Variants in MTCL1 observed in about 807,000 individuals in gnomAD.
The protein encoded by MTCL1 is microtubule cross-linking factor 1.
Under a neutral mutation model 141.4 loss-of-function variants are expected in MTCL1, and 79 were observed. That is an observed-to-expected ratio of 0.56 (90% confidence interval 0.47 to 0.67). The LOEUF is 0.67. MTCL1 is among the 30% of genes least tolerant of loss of function. MTCL1 has a pLI of 0.00. For missense variants in MTCL1, 2,177 were observed against 2,113.9 expected (o/e 1.03, Z -0.59); for synonymous variants, 914 against 875.8 (o/e 1.04, Z -0.77).
rs572514145 is a variant in MTCL1 at position 8,813,461 on chromosome 18, G to A, written c.2859+228G>A. On this transcript the variant is annotated intron_variant, in intron 12 of 16. Coordinates refer to ENST00000359865, the Ensembl canonical transcript of MTCL1. Reference sequence around the variant, plus strand: ...CAAAGTTCATAGGTAACTCTCCTATGTGTACATGTGGTAGTGGCAGAGCAG... The same window carrying A: ...CAAAGTTCATAGGTAACTCTCCTATATGTACATGTGGTAGTGGCAGAGCAG... Among the ~76,000 whole-genome samples, 3 of 149,614 alleles carry A rather than the reference G, an allele frequency of 2.0e-5. No homozygotes were observed. In the South Asian group the frequency reaches 6.6e-4, roughly 33 times the overall value.
At chr18:8,735,826 G>A (rs1041375838) in intron 4 of MTCL1, among the ~76,000 whole-genome samples, 22 of 152,112 alleles carry the variant, frequency 1.4e-4, no homozygotes, top group Admixed American at 8.5e-4. Context: ...GCGTGCCCCC[G>A]GTCATACAAC....
intron 4 of MTCL1, among the ~76,000 whole-genome samples, chr18:8,764,752 T>C (rs576385619): frequency 6.6e-6 from 1 of 152,242 alleles, no homozygotes; most frequent in Non-Finnish European, 1.5e-5. Flanking sequence ...CACTTTCACA[T>C]GGTTGCTGGA....
chr18:8,756,529 GTGTGTATATA>G (rs1481261602), intron 4 of MTCL1, among the ~76,000 whole-genome samples: 2 of 142,626 alleles, frequency 1.4e-5, no homozygotes, highest in East Asian at 1.9e-4. Flanking sequence ...GTATATATGT[GTGTGTATATA>G]TGTGTATATA....
chr18:8,818,888 G>A, intron 12 of MTCL1, 75 bp from the exon 12 acceptor site: 1 of 1,445,380 alleles, frequency 6.9e-7, no homozygotes, highest in East Asian at 2.3e-5. Flanking sequence ...TGCAAATTGT[G>A]GAGAAACGAT....
chr18:8,730,501 G>T (rs919727363), intron 4 of MTCL1, among the ~76,000 whole-genome samples: 12 of 152,140 alleles, frequency 7.9e-5, no homozygotes, highest in Non-Finnish European at 1.5e-5. Flanking sequence ...TCCACTGTAG[G>T]TCAAGTTTTT....
At chr18:8,806,094 CAAA>C (rs2076287942) in intron 10 of MTCL1, among the ~76,000 whole-genome samples, 1 of 152,098 alleles carries the variant, frequency 6.6e-6, no homozygotes, top group African/African-American at 2.4e-5. Flanking sequence ...AGGATTGTGC[CAAA>C]TACTGGAAAT....
chr18:8,771,839 AG>A (rs2096486180), intron 4 of MTCL1, among the ~76,000 whole-genome samples: 3 of 152,184 alleles, frequency 2.0e-5, no homozygotes, highest in Non-Finnish European at 4.4e-5. Context: ...AAAAGGAGGG[AG>A]TAGAATTAGT....
intron 12 of MTCL1, among the ~76,000 whole-genome samples, chr18:8,815,791 T>G (rs564462756): frequency 3.1e-4 from 47 of 152,154 alleles, no homozygotes; most frequent in African/African-American, 1.1e-3. Flanking sequence ...ACTGACAGCC[T>G]CAGAACCCAG....
In MTCL1 at chr18:8,821,512, A is replaced by G; in HGVS notation, c.3188+14A>G. 7.7e-7 allele frequency: 1 copy of G among 1,306,594 alleles called. No homozygotes were observed. The highest frequency in any genetic ancestry group is 1.1e-6 in the Non-Finnish European group (1 of 918,540). 80.9% of individuals were successfully genotyped at this position (1,306,594 alleles called of 1,614,324 possible). ...AAATCTTCAAAGGTAAGTAAGATTG[A>G]TGAAAATAATAGATTACTAGAATAA... On this transcript the variant is annotated intron_variant, in intron 14 of 16. Transcript: ENST00000359865.
chr18:8,788,945 G>C (rs2075621380), intron 7 of MTCL1, among the ~76,000 whole-genome samples: 1 of 152,230 alleles, frequency 6.6e-6, no homozygotes, highest in South Asian at 2.1e-4. Context: ...ACTCCCTGGG[G>C]TTCCCATCAA....
chr18:8,786,215 GGT>G (rs1323626988), intron 7 of MTCL1, 124 bp downstream of exon 6: 67 of 1,153,576 alleles, frequency 5.8e-5, no homozygotes, highest in Non-Finnish European at 8.0e-5. Context: ...GGTGGAACTA[GGT>G]GGAACTCACT....
At position 8,821,515 on chromosome 18, in the gene MTCL1, A is replaced by G. The variant is rs1301852223; in HGVS notation, c.3188+17A>G. 1.6e-6 allele frequency: 2 copies of G among 1,282,850 alleles called. No homozygotes were observed. The highest frequency in any genetic ancestry group is 2.2e-6 in the Non-Finnish European group (2 of 898,252). The allele number at this position is 1,282,850 out of a possible 1,614,324, so 79.5% of individuals were successfully genotyped here. A position where few individuals can be genotyped will look rare whatever the true frequency, so the allele number is the denominator to read the frequency against. ...TCTTCAAAGGTAAGTAAGATTGATG[A>G]AAATAATAGATTACTAGAATAAAAA... On this transcript the variant is annotated intron_variant, in intron 14 of 16. Transcript: ENST00000359865.
At chr18:8,774,740 G>A (rs962767654) in intron 4 of MTCL1, among the ~76,000 whole-genome samples, 3 of 152,122 alleles carry the variant, frequency 2.0e-5, no homozygotes, top group Non-Finnish European at 4.4e-5. Context: ...TGCCCACTTC[G>A]GCCTCCCAAA....
chr18:8,774,935 T>C (rs2096499923), intron 4 of MTCL1, among the ~76,000 whole-genome samples: 1 of 152,100 alleles, frequency 6.6e-6, no homozygotes, highest in African/African-American at 2.4e-5. Context: ...AGGGCTACAG[T>C]TGACAGCCCA....
At chr18:8,788,000 A>G (rs556467037) in intron 7 of MTCL1, among the ~76,000 whole-genome samples, 10 of 106,458 alleles carry the variant, frequency 9.4e-5, no homozygotes, top group Non-Finnish European at 1.8e-4. Context: ...AGAATTGTAC[A>G]ATGGATAATT....
At chr18:8,718,557 G>A (rs371204761) in exon 3 of MTCL1, 84 of 1,614,070 alleles carry the variant, frequency 5.2e-5, no homozygotes, top group Admixed American at 6.7e-5. Context: ...CTGCAGTACC[G>A]TCTTCGGAAA....
intron 4 of MTCL1, among the ~76,000 whole-genome samples, chr18:8,726,472 GGAGA>G (rs374393768): frequency 3.5e-4 from 46 of 131,590 alleles, no homozygotes; most frequent in Non-Finnish European, 4.2e-4. Flanking sequence ...GAGAATAAGA[GGAGA>G]GAGAGAGAGA....
At position 8,828,422 on chromosome 18, in the gene MTCL1, G is replaced by A. The variant is rs1325718387; in HGVS notation, c.4723-486G>A. On this transcript the variant is annotated intron_variant, in intron 15 of 16. Transcript: ENST00000359865. This position sits in a 1 kb window ranked among gnomAD's most constrained non-coding sequence, Gnocchi z 5.2. The stretch of plus-strand genomic sequence containing the variant: ...AAGAGAAAGAATCTGAAAATGGAAT[G>A]CTCTTCCTCCCTCCCCTAAGTGGAA... 6.6e-6 allele frequency among the ~76,000 whole-genome samples: 1 copy of A among 152,186 alleles called. No individual in the cohort carries two copies. The highest frequency in any genetic ancestry group is 1.5e-5 in the Non-Finnish European group (1 of 68,036).
At chr18:8,773,660 G>C (rs990632370) in intron 4 of MTCL1, among the ~76,000 whole-genome samples, 3 of 151,418 alleles carry the variant, frequency 2.0e-5, no homozygotes, top group South Asian at 4.2e-4. Flanking sequence ...CTCGTTCCTT[G>C]TATGTTTTTT....
Sources: gnomAD v4.1 joint callset for allele counts (sites outside exome capture counted in the v4.1 genomes callset) on GRCh38, gnomAD v4.1.1 for gene constraint, Gnocchi (gnomAD v3.1) non-coding constraint, MANE v1.5 for transcripts, NCBI Gene and HGNC (gene_info 2026-07-23, HGNC 2026-07-21) for gene names.